The following RBFOX1 variants were observed in gnomAD, a reference collection of about 807,000 sequenced individuals.
The protein encoded by RBFOX1 is RNA binding fox-1 homolog 1.
In RBFOX1, 8 loss-of-function variants were observed where a neutral mutation model predicts 57.7. The observed-to-expected ratio is 0.14, with a 90% confidence interval of 0.08 to 0.25. The LOEUF (loss-of-function observed/expected upper bound fraction) is 0.25, where lower values mean the gene tolerates loss of function less well. Ranked by LOEUF, RBFOX1 falls within the 10% of genes least tolerant of loss-of-function variation. The probability of loss-of-function intolerance (pLI) is 1.00; values close to 1 mark genes in which losing one functional copy is unlikely to be tolerated. For missense variants in RBFOX1, 611 were observed against 548.5 expected (o/e 1.11, Z -1.14); for synonymous variants, 326 against 222.4 (o/e 1.47, Z -4.15).
At chr16:5,726,579 C>T (rs376795679) in intron 3 of RBFOX1, among the ~76,000 whole-genome samples, 2 of 152,196 alleles carry the variant, frequency 1.3e-5, no homozygotes, top group African/African-American at 4.8e-5. Context: ...TCCAGGGAAG[C>T]AGCCTCAGAA....
intron 1 of RBFOX1, among the ~76,000 whole-genome samples, chr16:6,137,526 G>A (rs540401205): frequency 4.0e-5 from 6 of 151,560 alleles, no homozygotes; most frequent in South Asian, 2.1e-4. Flanking sequence ...GGCTGGTCTC[G>A]AGCTCCTGAC....
intron 4 of RBFOX1, among the ~76,000 whole-genome samples, chr16:7,313,640 C>G (rs1255902379): frequency 2.6e-5 from 4 of 151,926 alleles, no homozygotes; most frequent in African/African-American, 9.7e-5. Flanking sequence ...TAATCAATAA[C>G]TTTTATGGAG....
At chr16:6,455,336 A>T (rs545460427) in intron 2 of RBFOX1, among the ~76,000 whole-genome samples, 2 of 152,292 alleles carry the variant, frequency 1.3e-5, no homozygotes, top group African/African-American at 4.8e-5. Flanking sequence ...AAGCAGGGGA[A>T]AAATGAAACA....
intron 3 of RBFOX1, among the ~76,000 whole-genome samples, chr16:5,794,912 A>G (rs1240895055): frequency 6.6e-6 from 1 of 152,110 alleles, no homozygotes; most frequent in Non-Finnish European, 1.5e-5. Flanking sequence ...ATGGGATCCC[A>G]GTCTACACAC....
chr16:6,514,271 C>G (rs936953880), intron 2 of RBFOX1, among the ~76,000 whole-genome samples: 5 of 152,176 alleles, frequency 3.3e-5, no homozygotes, highest in Admixed American at 3.3e-4. Context: ...ACGGGCAATC[C>G]TTTCCACTTC....
intron 2 of RBFOX1, among the ~76,000 whole-genome samples, chr16:6,571,578 A>G (rs1420088843): frequency 6.6e-6 from 1 of 152,170 alleles, no homozygotes; most frequent in African/African-American, 2.4e-5. Context: ...GAGAACATCA[A>G]GGACCTGTTG....
intron 1 of RBFOX1, among the ~76,000 whole-genome samples, chr16:6,060,087 A>G (rs2095663528): frequency 6.9e-6 from 1 of 144,640 alleles, no homozygotes; most frequent in African/African-American, 2.6e-5. Context: ...AAAAATAGGT[A>G]ACTGGCATCA....
At chr16:7,388,376 A>T (rs2097919624) in intron 4 of RBFOX1, among the ~76,000 whole-genome samples, 1 of 152,228 alleles carries the variant, frequency 6.6e-6, no homozygotes, top group Non-Finnish European at 1.5e-5. Flanking sequence ...CTGTCTGAAC[A>T]TAACTATTGC....
At chr16:6,240,720 A>C (rs993662693) in intron 1 of RBFOX1, among the ~76,000 whole-genome samples, 5 of 151,886 alleles carry the variant, frequency 3.3e-5, no homozygotes, top group African/African-American at 1.2e-4. Flanking sequence ...GAAGGGGTTC[A>C]CATTTGCAGA....
intron 1 of RBFOX1, among the ~76,000 whole-genome samples, chr16:5,272,584 C>T (rs766297687): frequency 4.6e-5 from 7 of 152,188 alleles, no homozygotes; most frequent in Admixed American, 2.6e-4. Flanking sequence ...ACCCCACTGA[C>T]GTGAAATGTG....
chr16:5,917,908 G>C (rs1031808351), intron 4 of RBFOX1, among the ~76,000 whole-genome samples: 1 of 152,058 alleles, frequency 6.6e-6, no homozygotes, highest in Non-Finnish European at 1.5e-5. Context: ...CCGCTGCACT[G>C]ACCTCTTAGC....
At chr16:7,283,484 A>C (rs933168039) in intron 4 of RBFOX1, among the ~76,000 whole-genome samples, 1 of 151,980 alleles carries the variant, frequency 6.6e-6, no homozygotes, top group Non-Finnish European at 1.5e-5. Context: ...ATTTGCTAAG[A>C]AAATCGTATG....
chr16:6,565,678 C>T (rs1281381175), intron 2 of RBFOX1, among the ~76,000 whole-genome samples: 2 of 152,048 alleles, frequency 1.3e-5, no homozygotes, highest in Non-Finnish European at 2.9e-5. Context: ...CCATGTTAGC[C>T]AGGATGGTCT....
At chr16:6,865,273 G>C (rs373674956) in intron 3 of RBFOX1, among the ~76,000 whole-genome samples, 1 of 151,862 alleles carries the variant, frequency 6.6e-6, no homozygotes, top group South Asian at 2.1e-4. Flanking sequence ...ACAGTACTGG[G>C]ATTACAGACG....
intron 2 of RBFOX1, among the ~76,000 whole-genome samples, chr16:6,545,870 T>C (rs933720191): frequency 3.9e-5 from 6 of 152,194 alleles, no homozygotes; most frequent in Non-Finnish European, 7.3e-5. Context: ...AGGGTTTGAA[T>C]CCCAGGTGTC....
intron 4 of RBFOX1, among the ~76,000 whole-genome samples, chr16:7,151,512 T>G (rs2076102841): frequency 6.6e-6 from 1 of 152,166 alleles, no homozygotes; most frequent in African/African-American, 2.4e-5. Context: ...ACAGGGCTAC[T>G]TGTAGCCTCT....
intron 4 of RBFOX1, among the ~76,000 whole-genome samples, chr16:7,431,793 C>T (rs1380234978): frequency 6.6e-6 from 1 of 152,138 alleles, no homozygotes; most frequent in Non-Finnish European, 1.5e-5. Context: ...TACTGAGTGG[C>T]AAAACTAGTA....
chr16:6,853,062 G>A (rs563885998), intron 3 of RBFOX1, among the ~76,000 whole-genome samples: 1 of 152,276 alleles, frequency 6.6e-6, no homozygotes, highest in African/African-American at 2.4e-5. Flanking sequence ...CCCAGAGACA[G>A]CCTCTGGTGT....
intron 3 of RBFOX1, among the ~76,000 whole-genome samples, chr16:6,795,987 T>C (rs1261816027): frequency 6.6e-6 from 1 of 152,048 alleles, no homozygotes; most frequent in Non-Finnish European, 1.5e-5. Flanking sequence ...AACCAAAGTT[T>C]TAAAATATCA....
Sources: allele counts gnomAD v4.1 joint callset (sites outside exome capture counted in the v4.1 genomes callset), GRCh38; gene constraint gnomAD v4.1.1; transcripts MANE v1.5; gene names NCBI Gene and HGNC (gene_info 2026-07-23, HGNC 2026-07-21).